The following SLC16A7 variants were observed in gnomAD, a reference collection of about 807,000 sequenced individuals.
The protein encoded by SLC16A7 is solute carrier family 16 member 7, also known as monocarboxylate transporter 2.
Under a neutral mutation model 34.9 loss-of-function variants are expected in SLC16A7, and 33 were observed. The ratio of observed to expected loss-of-function variants is 0.94; its 90% CI spans 0.72 to 1.26. SLC16A7 has a LOEUF of 1.26. Ranked by LOEUF, SLC16A7 falls within the 50% of genes most tolerant of loss-of-function variation. The probability of loss-of-function intolerance (pLI) is 0.00; values close to 1 mark genes in which losing one functional copy is unlikely to be tolerated. For missense variants in SLC16A7, 573 were observed against 578.1 expected, an observed-to-expected ratio of 0.99 and a Z score of 0.09; for synonymous variants, 201 against 206.6, an observed-to-expected ratio of 0.97 and a Z score of 0.23.
intron 1 of SLC16A7, among the ~76,000 whole-genome samples, chr12:59,607,596 T>G (rs1879004096): frequency 1.3e-5 from 2 of 152,184 alleles, no homozygotes; most frequent in South Asian, 2.1e-4. Flanking sequence ...AACTGAGTAT[T>G]TTGCATTGAT....
At chr12:59,719,821 C>A in intron 3 of SLC16A7, 2 of 375,600 alleles carry the variant, frequency 5.3e-6, no homozygotes, top group East Asian at 4.2e-5. Flanking sequence ...TTGCACTTTC[C>A]AGGATTCTTC....
chr12:59,771,469 T>C, intron 4 of SLC16A7, 107 bp downstream of exon 4: 1 of 783,272 alleles, frequency 1.3e-6, no homozygotes, highest in Non-Finnish European at 1.9e-6. Context: ...TTTATTTTTT[T>C]ATAAACAATG....
intron 3 of SLC16A7, among the ~76,000 whole-genome samples, chr12:59,726,894 C>T (rs138293188): frequency 6.6e-6 from 1 of 152,056 alleles, no homozygotes; most frequent in Admixed American, 6.6e-5. Context: ...GAGATTTATG[C>T]TTTATGATCA....
intron 1 of SLC16A7, among the ~76,000 whole-genome samples, chr12:59,619,222 A>G (rs7965740): frequency 6.6e-6 from 1 of 151,868 alleles, no homozygotes; most frequent in Non-Finnish European, 1.5e-5. Context: ...CTGATTTGCA[A>G]TAAAGACTTC....
At chr12:59,642,863 T>G (rs1401451283) in intron 1 of SLC16A7, among the ~76,000 whole-genome samples, 3 of 152,098 alleles carry the variant, frequency 2.0e-5, no homozygotes, top group Non-Finnish European at 4.4e-5. Context: ...TAAAGAATTC[T>G]GAAACTTAGT....
intron 2 of SLC16A7, among the ~76,000 whole-genome samples, chr12:59,657,191 G>A (rs1868579753): frequency 6.6e-6 from 1 of 151,814 alleles, no homozygotes; most frequent in African/African-American, 2.4e-5. Flanking sequence ...TGGGATGAGC[G>A]CCTTTGTGGT....
At chr12:59,633,978 A>G (rs1233663584) in intron 1 of SLC16A7, among the ~76,000 whole-genome samples, 1 of 152,064 alleles carries the variant, frequency 6.6e-6, no homozygotes, top group African/African-American at 2.4e-5. Context: ...CCAGGCAGGC[A>G]TTGTGCTGTA....
chr12:59,646,534 G>T (rs1868252267), intron 1 of SLC16A7, among the ~76,000 whole-genome samples: 1 of 152,164 alleles, frequency 6.6e-6, no homozygotes, highest in Non-Finnish European at 1.5e-5. Context: ...TCTGCTGCAG[G>T]GTGGAGCTCT....
chr12:59,701,303 C>T (rs1872847946), intron 2 of SLC16A7, among the ~76,000 whole-genome samples: 2 of 151,720 alleles, frequency 1.3e-5, no homozygotes, highest in African/African-American at 4.8e-5. Context: ...AGTTTTATTA[C>T]TTTACTAAGT....
chr12:59,667,869 C>G (rs1329450495), intron 2 of SLC16A7, among the ~76,000 whole-genome samples: 1 of 152,216 alleles, frequency 6.6e-6, no homozygotes, highest in African/African-American at 2.4e-5. Flanking sequence ...CTGCTGTGTA[C>G]AGCCTAGGGA....
chr12:59,599,722 C>T (rs1183930622), intron 1 of SLC16A7, among the ~76,000 whole-genome samples: 1 of 152,160 alleles, frequency 6.6e-6, no homozygotes, highest in Admixed American at 6.5e-5. Flanking sequence ...CCTTTGTTCC[C>T]CTCCTCCCTT....
In SLC16A7 at chr12:59,779,917, C is replaced by A. The variant is rs1229485252; in HGVS notation, c.*238C>A. The A allele has an allele frequency of 2.7e-6, 1 of 375,944 alleles. No homozygotes were observed. 23.3% of individuals were successfully genotyped at this position (375,944 alleles called of 1,614,324 possible). ...TCCATGCTATAGGTTTATTTCCATA[C>A]CTGACTCTGGGTGTGGTGGTTAAAA... is the stretch of plus-strand genomic sequence containing the variant. On this transcript the variant is annotated 3_prime_UTR_variant, in exon 6 of 6. Coordinates refer to ENST00000547379, the MANE Select transcript of SLC16A7 (RefSeq NM_001270623.2).
chr12:59,684,603 G>C (rs1871007372), intron 2 of SLC16A7, among the ~76,000 whole-genome samples: 2 of 152,146 alleles, frequency 1.3e-5, no homozygotes, highest in South Asian at 4.1e-4. Context: ...AAGGAACACA[G>C]AGCTACTTTT....
chr12:59,754,484 C>T (rs1177462569), intron 3 of SLC16A7, among the ~76,000 whole-genome samples: 21 of 152,124 alleles, frequency 1.4e-4, no homozygotes, highest in Non-Finnish European at 2.2e-4. Context: ...AACACCTCTA[C>T]GCAAATAAAC....
chr12:59,682,539 T>C (rs1870823067), intron 2 of SLC16A7, among the ~76,000 whole-genome samples: 1 of 152,158 alleles, frequency 6.6e-6, no homozygotes, highest in Non-Finnish European at 1.5e-5. Context: ...TGAAATGTAG[T>C]ATGGTATAAT....
In SLC16A7 at chr12:59,789,390, CA is replaced by C. The variant is rs1883840463; in HGVS notation, c.*9714del. The C allele has an allele frequency of 6.6e-6, 1 of 152,180 alleles. No homozygotes were observed. Among genetic ancestry groups the C allele is most frequent in the East Asian group, 1.9e-4 (1 of 5,190 alleles). 9.4% of individuals were successfully genotyped at this position (152,180 alleles called of 1,614,324 possible). ...TTTTTATTTTGTCAAACATTCTATG[CA>C]AATATTGAAATATGCAACAGCTAAA... On this transcript the variant is annotated 3_prime_UTR_variant, in exon 6 of 6. Transcript: ENST00000547379.
rs543047221 is a variant in SLC16A7 at position 59,636,859 on chromosome 12, T to C, written c.-129-18293T>C. Among the ~76,000 whole-genome samples the C allele has an allele frequency of 7.9e-5, 12 of 152,286 alleles. No homozygotes were observed. In the South Asian group the frequency reaches 2.3e-3, roughly 29 times the overall value. On this transcript the variant is annotated intron_variant, in intron 1 of 5. Transcript: ENST00000547379. The stretch of plus-strand genomic sequence containing the variant: ...AATCCTTAAGCACATCTACTTGATA[T>C]GTTGTTACTTTTCATGTAGTATGTA...
chr12:59,767,357 A>G (rs1881764599), intron 3 of SLC16A7, among the ~76,000 whole-genome samples: 1 of 152,016 alleles, frequency 6.6e-6, no homozygotes, highest in African/African-American at 2.4e-5. Context: ...AGTGTTGATG[A>G]AATAGCCTTC....
At chr12:59,709,988 C>T (rs1874038939) in intron 3 of SLC16A7, among the ~76,000 whole-genome samples, 1 of 151,624 alleles carries the variant, frequency 6.6e-6, no homozygotes, top group South Asian at 2.1e-4. Flanking sequence ...ATAGACTATA[C>T]TGATCATTAC....
Sources: gnomAD v4.1 joint callset for allele counts (sites outside exome capture counted in the v4.1 genomes callset) on GRCh38, gnomAD v4.1.1 for gene constraint, MANE v1.5 for transcripts, NCBI Gene and HGNC (gene_info 2026-07-23, HGNC 2026-07-21) for gene names.